The following NOS1AP variants were observed in gnomAD, a reference collection of about 807,000 sequenced individuals.
NOS1AP encodes the protein carboxyl-terminal PDZ ligand of neuronal nitric oxide synthase protein.
A neutral mutation model predicts 56.2 loss-of-function variants in NOS1AP; 21 were observed. The observed-to-expected ratio is 0.37, with a 90% CI of 0.26 to 0.54. The LOEUF (loss-of-function observed/expected upper bound fraction) is 0.54, where lower values mean the gene tolerates loss of function less well. Among genes scored for constraint, NOS1AP ranks in the 20% least tolerant of loss-of-function variants. NOS1AP has a pLI of 0.84. For missense variants in NOS1AP, 522 were observed against 657.8 expected (o/e 0.79, Z 2.26); for synonymous variants, 270 against 274.6 (o/e 0.98, Z 0.17).
chr1:162,082,322 A>G (rs1691913936), intron 1 of NOS1AP, among the ~76,000 whole-genome samples: 1 of 152,046 alleles, frequency 6.6e-6, no homozygotes, highest in Non-Finnish European at 1.5e-5. Context: ...GTACCACATT[A>G]CCTAGTCTAT....
intron 5 of NOS1AP, among the ~76,000 whole-genome samples, chr1:162,341,552 T>C (rs1657106483): frequency 6.6e-6 from 1 of 152,246 alleles, no homozygotes; most frequent in Non-Finnish European, 1.5e-5. Flanking sequence ...TTTGTAAAGA[T>C]ACCTGGGGGA....
chr1:162,071,337 A>T (rs1320644977), intron 1 of NOS1AP, among the ~76,000 whole-genome samples: 1 of 152,062 alleles, frequency 6.6e-6, no homozygotes, highest in Admixed American at 6.6e-5. Flanking sequence ...CTCTTTCTTG[A>T]TGGTGTACGT....
At chr1:162,211,197 T>C (rs1371561068) in intron 2 of NOS1AP, among the ~76,000 whole-genome samples, 3 of 152,330 alleles carry the variant, frequency 2.0e-5, no homozygotes, top group Admixed American at 6.5e-5. Context: ...TAACAAAATA[T>C]CACAGGCTAG....
At chr1:162,205,788 C>T (rs188657142) in intron 2 of NOS1AP, among the ~76,000 whole-genome samples, 1 of 152,136 alleles carries the variant, frequency 6.6e-6, no homozygotes, top group Non-Finnish European at 1.5e-5. Context: ...ATTCTGAACC[C>T]TGTAGACCTT....
chr1:162,357,769 C>CA (rs1273752746), intron 8 of NOS1AP, among the ~76,000 whole-genome samples: 1 of 151,878 alleles, frequency 6.6e-6, no homozygotes, highest in Non-Finnish European at 1.5e-5. Flanking sequence ...GTTTGTACCC[C>CA]AAAAAACTTG....
intron 2 of NOS1AP, among the ~76,000 whole-genome samples, chr1:162,245,018 A>T (rs1653614821): frequency 6.6e-6 from 1 of 152,154 alleles, no homozygotes; most frequent in Non-Finnish European, 1.5e-5. Context: ...TTTTATTTAA[A>T]TGCTGAGATT....
intron 1 of NOS1AP, among the ~76,000 whole-genome samples, chr1:162,129,450 C>T (rs1241327821): frequency 6.6e-6 from 1 of 152,166 alleles, no homozygotes; most frequent in Non-Finnish European, 1.5e-5. Context: ...ATGTGTTTTC[C>T]TACCTCTCAC....
At chr1:162,184,028 A>G (rs1302021714) in intron 2 of NOS1AP, among the ~76,000 whole-genome samples, 1 of 152,170 alleles carries the variant, frequency 6.6e-6, no homozygotes, top group South Asian at 2.1e-4. Context: ...CGGCTTAATC[A>G]TTTCTAGCTT....
At chr1:162,129,985 T>G (rs1648677931) in intron 1 of NOS1AP, among the ~76,000 whole-genome samples, 1 of 152,240 alleles carries the variant, frequency 6.6e-6, no homozygotes, top group Admixed American at 6.5e-5. Flanking sequence ...AATTTATACT[T>G]GTTGGTTGAG....
At chr1:162,281,460 TAATC>T (rs1479277441) in intron 2 of NOS1AP, among the ~76,000 whole-genome samples, 3 of 152,190 alleles carry the variant, frequency 2.0e-5, no homozygotes, top group African/African-American at 4.8e-5. Flanking sequence ...GATAAATAAA[TAATC>T]AACCAATCAA....
At chr1:162,149,390 G>T (rs1470797689) in intron 1 of NOS1AP, among the ~76,000 whole-genome samples, 1 of 152,214 alleles carries the variant, frequency 6.6e-6, no homozygotes, top group East Asian at 1.9e-4. Context: ...GCTTGAAGTT[G>T]AGCAGTTAGA....
At chr1:162,249,540 TC>T (rs1653782844) in intron 2 of NOS1AP, among the ~76,000 whole-genome samples, 1 of 152,220 alleles carries the variant, frequency 6.6e-6, no homozygotes, top group Non-Finnish European at 1.5e-5. Flanking sequence ...AATTCTCTTG[TC>T]ATCATCCACA....
At chr1:162,172,672 T>C (rs1449825227) in intron 2 of NOS1AP, among the ~76,000 whole-genome samples, 4 of 152,254 alleles carry the variant, frequency 2.6e-5, no homozygotes, top group Non-Finnish European at 1.5e-5. Flanking sequence ...ATGTATGTGC[T>C]TTCCCTTCTG....
chr1:162,094,379 A>G (rs1016961342), intron 1 of NOS1AP, among the ~76,000 whole-genome samples: 1 of 152,116 alleles, frequency 6.6e-6, no homozygotes, highest in Non-Finnish European at 1.5e-5. Context: ...CTCTGGTCTG[A>G]TTGAAATGTT....
intron 2 of NOS1AP, among the ~76,000 whole-genome samples, chr1:162,230,631 C>A (rs1042155047): frequency 2.0e-5 from 3 of 152,144 alleles, no homozygotes; most frequent in Admixed American, 1.3e-4. Context: ...AACTCTACAC[C>A]CATTAAACAA....
chr1:162,070,320 G>C (rs757702968), intron 1 of NOS1AP, 38 bp downstream of exon 1: 1 of 1,534,988 alleles, frequency 6.5e-7, no homozygotes, highest in South Asian at 1.1e-5. Flanking sequence ...CTGTGGTGGC[G>C]GTTGGGGGGG....
intron 1 of NOS1AP, among the ~76,000 whole-genome samples, chr1:162,090,715 T>A (rs1174540951): frequency 6.6e-6 from 1 of 152,090 alleles, no homozygotes; most frequent in African/African-American, 2.4e-5. Flanking sequence ...GTTTAGTTTT[T>A]ATCTCTAAAA....
chr1:162,248,939 A>C (rs1376818078), intron 2 of NOS1AP, among the ~76,000 whole-genome samples: 1 of 151,950 alleles, frequency 6.6e-6, no homozygotes, highest in African/African-American at 2.4e-5. Context: ...TCCTTTTATC[A>C]AGGGGTGATG....
chr1:162,171,347 G>A (rs1437268541), intron 2 of NOS1AP, among the ~76,000 whole-genome samples: 1 of 152,064 alleles, frequency 6.6e-6, no homozygotes. Flanking sequence ...TATAAGGAAT[G>A]GCACATGACT....
Sources: allele counts gnomAD v4.1 joint callset (sites outside exome capture counted in the v4.1 genomes callset), GRCh38; gene constraint gnomAD v4.1.1; transcripts MANE v1.5; gene names NCBI Gene and HGNC (gene_info 2026-07-23, HGNC 2026-07-21).